Variants in TRPM7 observed in about 807,000 individuals in gnomAD.
The protein encoded by TRPM7 is transient receptor potential cation channel subfamily M member 7.
A neutral mutation model predicts 229.7 loss-of-function variants in TRPM7; 134 were observed. The ratio of observed to expected loss-of-function variants is 0.58; its 90% confidence interval spans 0.51 to 0.67. The LOEUF is 0.67. TRPM7 is among the 30% of genes least tolerant of loss of function. The probability of loss-of-function intolerance (pLI) is 0.00; values close to 1 mark genes in which losing one functional copy is unlikely to be tolerated. For synonymous variants in TRPM7, 699 were observed against 715.2 expected (o/e 0.98, Z 0.36); for missense variants, 1,901 against 2,210.0 (o/e 0.86, Z 2.80).
rs186939356 is a variant in TRPM7, at chr15:50,591,898, T to C, written c.4324+13A>G. 410 of 1,524,360 alleles carry C rather than the reference T, an allele frequency of 2.7e-4. No homozygotes were observed. Among genetic ancestry groups the C allele is most frequent in the African/African-American group, 6.7e-4 (48 of 71,840 alleles). 94.4% of individuals were successfully genotyped at this position (1,524,360 alleles called of 1,614,324 possible). On this transcript the variant is annotated intron_variant, in intron 26 of 38. Transcript: ENST00000646667. ...ATAATATTGATATACAAATACGAAT[T>C]TGCCAAACTTACCTACAAATGCTCC...
intron 1 of TRPM7, among the ~76,000 whole-genome samples, chr15:50,678,006 G>C (rs556403173): frequency 1.5e-4 from 23 of 151,638 alleles, no homozygotes; most frequent in Non-Finnish European, 2.4e-4. Flanking sequence ...TTGGGAGGCC[G>C]AGGCGGGCGG....
At chr15:50,585,731 T>C (rs936664814) in intron 28 of TRPM7, among the ~76,000 whole-genome samples, 2 of 152,192 alleles carry the variant, frequency 1.3e-5, no homozygotes, top group Admixed American at 1.3e-4. Flanking sequence ...ATGGACAATG[T>C]AGTACTATTT....
chr15:50,596,766 CCT>C (rs200413822), intron 22 of TRPM7, among the ~76,000 whole-genome samples: 3,671 of 151,920 alleles, frequency 0.024, 57 homozygotes, highest in Non-Finnish European at 0.033. Flanking sequence ...TTTTTTTTCC[CCT>C]GAGACGGAGT....
chr15:50,624,673 T>C (rs1030275804), intron 11 of TRPM7, among the ~76,000 whole-genome samples: 1 of 152,210 alleles, frequency 6.6e-6, no homozygotes, highest in African/African-American at 2.4e-5. Flanking sequence ...GTGCTGTTAC[T>C]AACATTTAAT....
At chr15:50,617,765 G>GC (rs1302679899) in intron 13 of TRPM7, among the ~76,000 whole-genome samples, 1 of 151,744 alleles carries the variant, frequency 6.6e-6, no homozygotes, top group Non-Finnish European at 1.5e-5. Context: ...CTCCCTCAGT[G>GC]CCCCCCACAC....
At chr15:50,606,754 C>G (rs572438231) in intron 20 of TRPM7, among the ~76,000 whole-genome samples, 1 of 152,294 alleles carries the variant, frequency 6.6e-6, no homozygotes, top group South Asian at 2.1e-4. Flanking sequence ...CCGCCTCAGC[C>G]TCCTAAGGTG....
intron 31 of TRPM7, 67 bp downstream of exon 31, chr15:50,578,572 G>A (rs2054248806): frequency 6.9e-7 from 1 of 1,455,444 alleles, no homozygotes; most frequent in East Asian, 2.3e-5. Flanking sequence ...GAATAATGTG[G>A]TGTTTGCTGT....
chr15:50,557,281 G>A lies in TRPM7; in HGVS notation c.*4397C>T, dbSNP rs1391231969. ...GTCTGGTATTATGGAAAAACATTTTGTCATTCAGATTTTTTTTTCTTACAG... is the reference window on the plus strand; with the variant it reads ...GTCTGGTATTATGGAAAAACATTTTATCATTCAGATTTTTTTTTCTTACAG... On this transcript the variant is annotated 3_prime_UTR_variant, in exon 39 of 39. Transcript: ENST00000646667. 4 of 152,232 alleles carry A rather than the reference G, an allele frequency of 2.6e-5. No homozygotes were observed. The South Asian group carries it at 6.2e-4, about 24-fold the overall frequency. 9.4% of individuals were successfully genotyped at this position (152,232 alleles called of 1,614,324 possible).
chr15:50,603,858 T>C (rs1414001422), intron 21 of TRPM7: 1 of 152,212 alleles, frequency 6.6e-6, no homozygotes. Flanking sequence ...TTTTAAAGCA[T>C]ATTTTGATAA....
intron 1 of TRPM7, among the ~76,000 whole-genome samples, chr15:50,669,841 A>G: frequency 6.6e-6 from 1 of 152,190 alleles, no homozygotes; most frequent in South Asian, 2.1e-4. Flanking sequence ...TTCTGGGCAC[A>G]TAATACAATC....
intron 1 of TRPM7, among the ~76,000 whole-genome samples, chr15:50,673,634 GTA>G (rs35356193): frequency 4.7e-5 from 7 of 150,268 alleles, no homozygotes; most frequent in Non-Finnish European, 1.0e-4. Flanking sequence ...GTATTCCCTC[GTA>G]TATATATATA....
intron 4 of TRPM7, among the ~76,000 whole-genome samples, chr15:50,644,956 C>A (rs1219205270): frequency 1.3e-5 from 2 of 151,508 alleles, no homozygotes; most frequent in Non-Finnish European, 2.9e-5. Context: ...GGCTGGAGTG[C>A]AGTGGCGCCA....
At chr15:50,608,668 T>A (rs1056907635) in intron 19 of TRPM7, among the ~76,000 whole-genome samples, 1 of 152,218 alleles carries the variant, frequency 6.6e-6, no homozygotes, top group Non-Finnish European at 1.5e-5. Context: ...GAAATGTTAG[T>A]CTCAGGTTAA....
chr15:50,658,924 C>A (rs572424300), intron 2 of TRPM7, among the ~76,000 whole-genome samples: 1 of 152,242 alleles, frequency 6.6e-6, no homozygotes, highest in East Asian at 1.9e-4. Context: ...AGTGGCCAGG[C>A]GCAGTGGCTC....
At chr15:50,632,283 ACT>A (rs901164244) in intron 9 of TRPM7, among the ~76,000 whole-genome samples, 8 of 143,896 alleles carry the variant, frequency 5.6e-5, no homozygotes, top group Non-Finnish European at 1.2e-4. Context: ...ATGGAGCGAG[ACT>A]CTGTCTCCAA....
intron 1 of TRPM7, among the ~76,000 whole-genome samples, chr15:50,674,608 ACT>A (rs1178757152): frequency 3.3e-5 from 5 of 152,086 alleles, no homozygotes; most frequent in African/African-American, 1.2e-4. Flanking sequence ...TTCTAAATTA[ACT>A]CTATTTACAT....
In TRPM7 at chr15:50,607,352, TAAATAACATTGGTTACAA is replaced by T. The variant is rs753960561; in HGVS notation, c.2581-42_2581-25del. On this transcript the variant is annotated intron_variant, in intron 19 of 38. Coordinates refer to ENST00000646667, the MANE Select transcript of TRPM7 (RefSeq NM_017672.6). Reference sequence around the variant, plus strand: ...AACTAATGAAAAAGTAAAGGTTACATAAATAACATTGGTTACAAAATAAATCTTTTAATTATGAACATT... The same window carrying T: ...AACTAATGAAAAAGTAAAGGTTACATAATAAATCTTTTAATTATGAACATT... 54 of 1,505,232 alleles carry T rather than the reference TAAATAACATTGGTTACAA, an allele frequency of 3.6e-5. 1 individual carries two copies. In the Middle Eastern group the frequency reaches 5.6e-4, roughly 16 times the overall value. 93.2% of individuals were successfully genotyped at this position (1,505,232 alleles called of 1,614,324 possible). A position where few individuals can be genotyped will look rare whatever the true frequency, so the allele number is the denominator to read the frequency against.
Position 50,592,324 on chromosome 15 carries a change from T to A in TRPM7, c.3911A>T (p.Gln1304Leu). The change falls in exon 26 of 39, where the codon CAA (glutamine) becomes CTA (leucine). Residue 1304 changes from glutamine to leucine, a missense_variant. Around this residue, in one of 8 missense-constraint regions of TRPM7, gnomAD observed 533 missense variants for 497.1 expected, o/e 1.07. Coordinates refer to ENST00000646667, the MANE Select transcript of TRPM7 (RefSeq NM_017672.6). ...AGGATTATTACTTTCAAGATCACCTTGAGGAAGAGAGGAGCTAAGTGTATT... is the reference window on the plus strand; with the variant it reads ...AGGATTATTACTTTCAAGATCACCTAGAGGAAGAGAGGAGCTAAGTGTATT... ...VVNTLSSSLP[Q>L]GDLESNNPFH... The A allele has an allele frequency of 6.2e-7, 1 of 1,614,054 alleles. No homozygotes were observed. Among genetic ancestry groups the A allele is most frequent in the Non-Finnish European group, 8.5e-7 (1 of 1,179,936 alleles).
chr15:50,634,062 T>C (rs958739166), intron 8 of TRPM7, among the ~76,000 whole-genome samples: 4 of 152,206 alleles, frequency 2.6e-5, no homozygotes, highest in Admixed American at 6.5e-5. Flanking sequence ...CTCATGCCTG[T>C]AATCCCAGCA....
Sources: allele counts gnomAD v4.1 joint callset (sites outside exome capture counted in the v4.1 genomes callset), GRCh38; gene constraint gnomAD v4.1.1; regional missense constraint gnomAD v4.1.1; transcripts MANE v1.5; gene names NCBI Gene and HGNC (gene_info 2026-07-23, HGNC 2026-07-21).